The following RNF220 variants were observed in gnomAD, a reference collection of about 807,000 sequenced individuals.
The protein encoded by RNF220 is ring finger protein 220, also known as E3 ubiquitin-protein ligase RNF220.
RNF220 carries 7 observed loss-of-function variants against 67.1 expected under a neutral mutation model. The observed-to-expected ratio is 0.10, with a 90% CI of 0.06 to 0.20. The LOEUF is 0.20. Among genes scored for constraint, RNF220 ranks in the 10% least tolerant of loss-of-function variants. RNF220 has a pLI of 1.00. For synonymous variants in RNF220, 270 were observed against 283.2 expected, an observed-to-expected ratio of 0.95 and a Z score of 0.47; for missense variants, 565 against 740.3, an observed-to-expected ratio of 0.76 and a Z score of 2.75.
intron 2 of RNF220, among the ~76,000 whole-genome samples, chr1:44,545,291 A>G (rs923993391): frequency 5.3e-5 from 8 of 152,220 alleles, no homozygotes; most frequent in African/African-American, 1.9e-4. Context: ...GAGGATTAAA[A>G]GAAGCTTTAT....
At chr1:44,605,421 CTT>C (rs980576687) in intron 2 of RNF220, among the ~76,000 whole-genome samples, 3 of 152,160 alleles carry the variant, frequency 2.0e-5, no homozygotes, top group African/African-American at 7.2e-5. Flanking sequence ...GCATCTGCCT[CTT>C]TGGGGATTTA....
At chr1:44,497,418 C>T (rs985445980) in intron 2 of RNF220, among the ~76,000 whole-genome samples, 13 of 151,868 alleles carry the variant, frequency 8.6e-5, no homozygotes, top group Non-Finnish European at 1.2e-4. Context: ...CCAAGGTTTT[C>T]CTGTATAAAA....
At chr1:44,498,904 C>G (rs1449374779) in intron 2 of RNF220, among the ~76,000 whole-genome samples, 1 of 152,136 alleles carries the variant, frequency 6.6e-6, no homozygotes, top group Non-Finnish European at 1.5e-5. Flanking sequence ...GACCTTCTCT[C>G]CCCCAATAAA....
At chr1:44,567,594 G>T (rs1664119433) in intron 2 of RNF220, among the ~76,000 whole-genome samples, 1 of 152,040 alleles carries the variant, frequency 6.6e-6, no homozygotes, top group East Asian at 1.9e-4. Context: ...TACCCTTACT[G>T]GGGCAGGGGT....
chr1:44,602,081 G>A (rs369159351), intron 2 of RNF220, among the ~76,000 whole-genome samples: 1 of 152,110 alleles, frequency 6.6e-6, no homozygotes, highest in Non-Finnish European at 1.5e-5. Flanking sequence ...AGAGGGCTTG[G>A]GGGAGAGGGA....
intron 2 of RNF220, among the ~76,000 whole-genome samples, chr1:44,450,225 T>G (rs966179198): frequency 3.3e-5 from 5 of 152,038 alleles, no homozygotes; most frequent in African/African-American, 1.2e-4. Context: ...AAAAAAAGTC[T>G]GAAAGTGATT....
chr1:44,650,042 G>C lies in RNF220; in HGVS notation c.1629+85G>C, dbSNP rs1378815124. 3 of 1,399,022 alleles carry C rather than the reference G, an allele frequency of 2.1e-6. No homozygotes were observed. The highest frequency in any genetic ancestry group is 3.0e-6 in the Non-Finnish European group (3 of 1,005,848). 86.7% of individuals were successfully genotyped at this position (1,399,022 alleles called of 1,614,324 possible). ...TGCTTATGCCTGAGCCTGCCTGGGG[G>C]AAGTGGGGAGCATGGCGCAAAGGAG... is the stretch of plus-strand genomic sequence containing the variant. On this transcript the variant is annotated intron_variant, in intron 14 of 14. Coordinates refer to ENST00000361799, the MANE Select transcript of RNF220 (RefSeq NM_018150.4). This position sits in a 1 kb window ranked among gnomAD's most constrained non-coding sequence, Gnocchi z 4.3.
intron 2 of RNF220, among the ~76,000 whole-genome samples, chr1:44,500,044 C>T (rs1163405168): frequency 6.6e-6 from 1 of 152,202 alleles, no homozygotes; most frequent in East Asian, 1.9e-4. Flanking sequence ...CTATCTCTCA[C>T]CTAGACAATT....
At chr1:44,490,189 C>T (rs539671016) in intron 2 of RNF220, among the ~76,000 whole-genome samples, 9 of 152,068 alleles carry the variant, frequency 5.9e-5, no homozygotes, top group Non-Finnish European at 1.2e-4. Flanking sequence ...AGGTATCAGC[C>T]GGGCGTGGTG....
chr1:44,512,973 C>G (rs1365006854), intron 2 of RNF220, among the ~76,000 whole-genome samples: 1 of 152,136 alleles, frequency 6.6e-6, no homozygotes, highest in Non-Finnish European at 1.5e-5. Context: ...ACCCAATGGT[C>G]CAGGCACTGT....
In RNF220 at chr1:44,645,587, C is replaced by A; in HGVS notation, c.1445+99C>A. The A allele has an allele frequency of 8.3e-7, 1 of 1,211,898 alleles. No individual in the cohort carries two copies. The highest frequency in any genetic ancestry group is 1.2e-6 in the Non-Finnish European group (1 of 839,510). 75.1% of individuals were successfully genotyped at this position (1,211,898 alleles called of 1,614,324 possible). A position where few individuals can be genotyped will look rare whatever the true frequency, so the allele number is the denominator to read the frequency against. On this transcript the variant is annotated intron_variant, in intron 12 of 14. Coordinates refer to ENST00000361799, the MANE Select transcript of RNF220 (RefSeq NM_018150.4). This position sits in a 1 kb window ranked among gnomAD's most constrained non-coding sequence, Gnocchi z 5.0. ...CCTGCTGCCAGGGCTTCTGGCCCTC[C>A]CAAGTGCAGCTCAGTGCTGCTGCCC...
intron 8 of RNF220, among the ~76,000 whole-genome samples, chr1:44,641,912 C>T (rs118023756): frequency 5.3e-5 from 8 of 152,310 alleles, no homozygotes; most frequent in Non-Finnish European, 7.3e-5. Flanking sequence ...CACTGGCCAG[C>T]GGAACAGAAA....
intron 2 of RNF220, among the ~76,000 whole-genome samples, chr1:44,514,853 A>G (rs962385624): frequency 1.3e-5 from 2 of 152,224 alleles, no homozygotes; most frequent in Non-Finnish European, 2.9e-5. Flanking sequence ...AGTTGTGTGC[A>G]TAACCTCTAC....
At chr1:44,609,494 C>A (rs1322431547) in intron 2 of RNF220, among the ~76,000 whole-genome samples, 1 of 152,106 alleles carries the variant, frequency 6.6e-6, no homozygotes, top group Non-Finnish European at 1.5e-5. Context: ...GGAGGGCTTT[C>A]CCTTTGAACA....
intron 2 of RNF220, among the ~76,000 whole-genome samples, chr1:44,535,292 C>T (rs1334196766): frequency 6.6e-5 from 10 of 152,100 alleles, no homozygotes; most frequent in Admixed American, 6.5e-4. Context: ...AGGCACATGT[C>T]ACCATGCCCA....
chr1:44,591,806 G>A (rs1666135310), intron 2 of RNF220, among the ~76,000 whole-genome samples: 1 of 151,908 alleles, frequency 6.6e-6, no homozygotes, highest in African/African-American at 2.4e-5. Flanking sequence ...GTCCTGCTGG[G>A]CTGCCTCTGG....
intron 2 of RNF220, among the ~76,000 whole-genome samples, chr1:44,432,031 A>G (rs1650432379): frequency 6.6e-6 from 1 of 152,122 alleles, no homozygotes; most frequent in Non-Finnish European, 1.5e-5. Flanking sequence ...GCTGCAACCA[A>G]CTACTTCATC....
intron 2 of RNF220, among the ~76,000 whole-genome samples, chr1:44,471,414 G>A (rs762656265): frequency 1.9e-4 from 28 of 150,702 alleles, no homozygotes; most frequent in Admixed American, 2.6e-4. Flanking sequence ...GTGACAGAGC[G>A]AGACTCCATC....
chr1:44,528,628 T>C (rs1558014279), intron 2 of RNF220, among the ~76,000 whole-genome samples: 1 of 151,348 alleles, frequency 6.6e-6, no homozygotes, highest in Non-Finnish European at 1.5e-5. Context: ...TTTTTTTTTT[T>C]TTTTGAGACA....
Sources: gnomAD v4.1 joint callset for allele counts (sites outside exome capture counted in the v4.1 genomes callset) on GRCh38, gnomAD v4.1.1 for gene constraint, Gnocchi (gnomAD v3.1) non-coding constraint, MANE v1.5 for transcripts, NCBI Gene and HGNC (gene_info 2026-07-23, HGNC 2026-07-21) for gene names.